Variants in SLC24A1 observed in about 807,000 individuals in gnomAD.
The protein encoded by SLC24A1 is sodium/potassium/calcium exchanger 1.
In SLC24A1, 52 loss-of-function variants were observed where a neutral mutation model predicts 88.1. The observed-to-expected ratio is 0.59, with a 90% CI of 0.47 to 0.74. The LOEUF (loss-of-function observed/expected upper bound fraction) is 0.74, where lower values mean the gene tolerates loss of function less well. SLC24A1 is among the 30% of genes least tolerant of loss of function. SLC24A1 has a pLI of 0.00. For missense variants in SLC24A1, 1,173 were observed against 1,363.3 expected (o/e 0.86, Z 2.20); for synonymous variants, 455 against 498.0 (o/e 0.91, Z 1.15).
At chr15:65,652,100 G>C (rs926095314) in intron 8 of SLC24A1, 2 of 370,816 alleles carry the variant, frequency 5.4e-6, no homozygotes, top group Non-Finnish European at 5.2e-6. Flanking sequence ...AGCTTTTTTC[G>C]CCTGCTCTCT....
chr15:65,633,634 T>G (rs2074808200), intron 2 of SLC24A1, among the ~76,000 whole-genome samples: 1 of 152,216 alleles, frequency 6.6e-6, no homozygotes, highest in Non-Finnish European at 1.5e-5. Context: ...CACTCCAGCC[T>G]GGGTGACAGA....
intron 2 of SLC24A1, among the ~76,000 whole-genome samples, chr15:65,628,351 C>A (rs2074589321): frequency 6.6e-6 from 1 of 152,166 alleles, no homozygotes; most frequent in Non-Finnish European, 1.5e-5. Context: ...CTTATCACTG[C>A]CACTAAATGG....
In SLC24A1 at chr15:65,625,692, T is replaced by C. The variant is rs772750770; in HGVS notation, c.1612T>C (p.Phe538Leu). Reference sequence around the variant, plus strand: ...GGGCTCTGCTGTGTTCAACATTCTCTTTGTCATTGGCACTTGTTCCCTCTT... The same window carrying C: ...GGGCTCTGCTGTGTTCAACATTCTCCTTGTCATTGGCACTTGTTCCCTCTT... ...IVGSAVFNIL[F>L]VIGTCSLFSR... The change falls in exon 2 of 10, where the codon TTT becomes CTT. Residue 538 changes from phenylalanine (F) to leucine (L), a missense_variant. By Grantham distance (22) the Phe-to-Leu change is conservative (BLOSUM62 0). Transcript: ENST00000261892. 1 of 1,613,888 alleles carries C rather than the reference T, an allele frequency of 6.2e-7. No individual in the cohort carries two copies. The highest frequency in any genetic ancestry group is 1.3e-5 in the African/African-American group (1 of 74,924).
chr15:65,634,740 C>CAAAAAAAAA (rs5813364), intron 2 of SLC24A1, among the ~76,000 whole-genome samples: 6 of 90,520 alleles, frequency 6.6e-5, no homozygotes, highest in Non-Finnish European at 1.1e-4. Flanking sequence ...TCAAAAGCAC[C>CAAAAAAAAA]AAAAAAAAAA....
At chr15:65,636,999 G>A (rs142520265) in intron 2 of SLC24A1, among the ~76,000 whole-genome samples, 309 of 151,550 alleles carry the variant, frequency 2.0e-3, no homozygotes, top group Non-Finnish European at 3.3e-3. Flanking sequence ...CACAAGGAAG[G>A]GAAACAGATA....
intron 2 of SLC24A1, among the ~76,000 whole-genome samples, chr15:65,637,071 A>G (rs1262995544): frequency 6.6e-6 from 1 of 152,126 alleles, no homozygotes; most frequent in African/African-American, 2.4e-5. Flanking sequence ...TGTAGCTGGT[A>G]GACAATTCAT....
downstream of SLC24A1, chr15:65,660,476 A>G (rs2075817464): frequency 1.8e-6 from 1 of 540,844 alleles, no homozygotes; most frequent in Non-Finnish European, 3.3e-6. Context: ...TGGCTAGGGA[A>G]TTCCTTCACT....
chr15:65,658,118 T>C (rs139754093), downstream of SLC24A1: 365 of 152,374 alleles, frequency 2.4e-3, no homozygotes, highest in African/African-American at 8.5e-3. Context: ...GCGCAGACTT[T>C]TGTAATCAAA....
downstream of SLC24A1, among the ~76,000 whole-genome samples, chr15:65,658,672 C>A (rs2075756058): frequency 6.6e-6 from 1 of 152,102 alleles, no homozygotes; most frequent in Non-Finnish European, 1.5e-5. Flanking sequence ...CTTTGAGCAT[C>A]ATGTCGGTAT....
chr15:65,654,343 G>C lies in SLC24A1; in HGVS notation c.*264G>C. The C allele has an allele frequency of 7.9e-7, 1 of 1,258,928 alleles. No individual in the cohort carries two copies. The highest frequency in any genetic ancestry group is 1.0e-6 in the Non-Finnish European group (1 of 1,000,126). The allele number at this position is 1,258,928 out of a possible 1,614,324, so 78.0% of individuals were successfully genotyped here. Reference sequence around the variant, plus strand: ...ATCTATTACATGGAGGCAGTAGAAGGACCCCTGGAGCCAGAGGGTTTTCTA... The same window carrying C: ...ATCTATTACATGGAGGCAGTAGAAGCACCCCTGGAGCCAGAGGGTTTTCTA... On this transcript the variant is annotated 3_prime_UTR_variant, in exon 10 of 10. Transcript: ENST00000261892.
intron 2 of SLC24A1, among the ~76,000 whole-genome samples, chr15:65,633,398 G>T (rs1016736125): frequency 6.6e-6 from 1 of 152,210 alleles, no homozygotes; most frequent in African/African-American, 2.4e-5. Context: ...AGTGCCTCAT[G>T]CCTGTAATTC....
chr15:65,618,181 C>T (rs1291467160), upstream of SLC24A1, among the ~76,000 whole-genome samples: 1 of 152,122 alleles, frequency 6.6e-6, no homozygotes, highest in Non-Finnish European at 1.5e-5. Context: ...GAAGTATAGA[C>T]ATTCTTACAT....
Position 65,650,971 on chromosome 15 carries a change from CT to C in SLC24A1, c.2793+32del, listed in dbSNP as rs751161580. 5 of 1,596,124 alleles carry C rather than the reference CT, an allele frequency of 3.1e-6. No individual in the cohort carries two copies. Among genetic ancestry groups the C allele is most frequent in the African/African-American group, 1.3e-5 (1 of 74,548 alleles). ...AGTGTGCCCATCTGTATCTCAGACTCTTTATCCCCAGCAGGGCTGTGGGGTC... is the reference window on the plus strand; with the variant it reads ...AGTGTGCCCATCTGTATCTCAGACTCTTATCCCCAGCAGGGCTGTGGGGTC... On this transcript the variant is annotated intron_variant, in intron 7 of 9. Coordinates refer to ENST00000261892, the MANE Select transcript of SLC24A1 (RefSeq NM_004727.3). This position sits in a 1 kb window ranked among gnomAD's most constrained non-coding sequence, Gnocchi z 4.1.
At chr15:65,658,555 C>T (rs892913820), downstream of SLC24A1, 1 of 152,152 alleles carries the variant, frequency 6.6e-6, no homozygotes. Context: ...TGTTTCGGAC[C>T]AGAAGTGTTT....
At chr15:65,649,686 A>C (rs78646685) in intron 6 of SLC24A1, among the ~76,000 whole-genome samples, 7,848 of 152,268 alleles carry the variant, frequency 0.052, 676 homozygotes, top group African/African-American at 0.18. Flanking sequence ...ACTACTTCCC[A>C]TGGTGCCTGG....
At chr15:65,647,977 A>G (rs1329975689) in intron 6 of SLC24A1, among the ~76,000 whole-genome samples, 1 of 152,132 alleles carries the variant, frequency 6.6e-6, no homozygotes, top group East Asian at 1.9e-4. Flanking sequence ...AAAAGCCTTC[A>G]GGGCCGGGTG....
intron 5 of SLC24A1, among the ~76,000 whole-genome samples, chr15:65,645,105 A>G (rs912927329): frequency 2.6e-5 from 4 of 152,358 alleles, no homozygotes; most frequent in Non-Finnish European, 4.4e-5. Flanking sequence ...TTCCCATCCT[A>G]TAGACAAGAG....
At chr15:65,637,219 G>T (rs2141586026) in intron 2 of SLC24A1, among the ~76,000 whole-genome samples, 1 of 152,178 alleles carries the variant, frequency 6.6e-6, no homozygotes, top group South Asian at 2.1e-4. Flanking sequence ...GATTGTCTAG[G>T]GCTGTCCCAC....
intron 1 of SLC24A1, 30 bp from the exon 2 acceptor site, chr15:65,623,925 G>A: frequency 3.3e-6 from 2 of 608,988 alleles, no homozygotes; most frequent in Admixed American, 6.2e-5. Flanking sequence ...CCTCTTAGTG[G>A]TAAATAATCT....
Sources: gnomAD v4.1 joint callset for allele counts (sites outside exome capture counted in the v4.1 genomes callset) on GRCh38, gnomAD v4.1.1 for gene constraint, Gnocchi (gnomAD v3.1) non-coding constraint, MANE v1.5 for transcripts, NCBI Gene and HGNC (gene_info 2026-07-23, HGNC 2026-07-21) for gene names.